Variants in RNLS observed in about 807,000 individuals in gnomAD.
The protein encoded by RNLS is renalase, FAD dependent amine oxidase.
A neutral mutation model predicts 39.8 loss-of-function variants in RNLS; 39 were observed. The observed-to-expected ratio is 0.98, with a 90% CI of 0.76 to 1.28. RNLS has a LOEUF of 1.28. Among genes scored for constraint, RNLS ranks in the 50% most tolerant of loss-of-function variants. The pLI, the probability that RNLS is intolerant of heterozygous loss-of-function variation, is 0.00. For missense variants in RNLS, 410 were observed against 413.3 expected (o/e 0.99, Z 0.07); for synonymous variants, 147 against 150.7 (o/e 0.98, Z 0.18).
At chr10:88,275,477 T>C (rs1842781670) in intron 6 of RNLS, among the ~76,000 whole-genome samples, 1 of 152,206 alleles carries the variant, frequency 6.6e-6, no homozygotes. Flanking sequence ...TGCAACAATG[T>C]TGCAACAGTA....
chr10:88,333,042 G>A (rs1323805375), intron 5 of RNLS, among the ~76,000 whole-genome samples: 1 of 152,136 alleles, frequency 6.6e-6, no homozygotes, highest in Non-Finnish European at 1.5e-5. Flanking sequence ...CTCCCTGCCT[G>A]TATGACTTTA....
chr10:88,542,843 C>G (rs984624309), intron 4 of RNLS, among the ~76,000 whole-genome samples: 2 of 152,112 alleles, frequency 1.3e-5, no homozygotes, highest in African/African-American at 4.8e-5. Flanking sequence ...AGATAAGCAG[C>G]ATCTCCAACT....
At chr10:88,245,437 T>G in the RNLS span, among the ~76,000 whole-genome samples, 2 of 152,194 alleles carry the variant, frequency 1.3e-5, no homozygotes, top group Non-Finnish European at 2.9e-5. Flanking sequence ...CGGACCTTCC[T>G]AATTCAACCT....
At chr10:88,575,124 GTATATATATATATA>G (rs1174268534) in intron 3 of RNLS, among the ~76,000 whole-genome samples, 19 of 98,912 alleles carry the variant, frequency 1.9e-4, no homozygotes, top group African/African-American at 5.6e-4. Context: ...GTTCTGCAAA[GTATATATATATATA>G]TATATATATA....
At chr10:88,415,479 T>C (rs1277763415) in intron 4 of RNLS, among the ~76,000 whole-genome samples, 1 of 152,208 alleles carries the variant, frequency 6.6e-6, no homozygotes, top group East Asian at 1.9e-4. Flanking sequence ...AAATGACTTT[T>C]TTCCCCCCTC....
the RNLS span, among the ~76,000 whole-genome samples, chr10:88,187,183 AT>A: frequency 1.2e-3 from 10 of 8,440 alleles, no homozygotes; most frequent in African/African-American, 5.9e-3. Context: ...TATATAATAT[AT>A]ATAATATATA....
intron 5 of RNLS, among the ~76,000 whole-genome samples, chr10:88,319,134 G>A (rs1284823903): frequency 2.0e-5 from 3 of 152,052 alleles, no homozygotes; most frequent in Admixed American, 1.3e-4. Flanking sequence ...AGCAGCATCC[G>A]AGAAAGCCAC....
downstream of RNLS, among the ~76,000 whole-genome samples, chr10:88,282,147 G>A (rs185391772): frequency 1.4e-3 from 220 of 152,246 alleles, no homozygotes; most frequent in African/African-American, 5.1e-3. Context: ...AGTACTTACA[G>A]AGACTTTATC....
At position 88,285,316 on chromosome 10, in the gene RNLS, A is replaced by G; in HGVS notation, c.*38T>C. ...TCAATAACAGAAAATTGTGAAAATA[A>G]AAACCCAATACACATGTAGAGAATA... On this transcript the variant is annotated 3_prime_UTR_variant, in exon 7 of 7. Transcript: ENST00000331772. 2 of 1,454,974 alleles carry G rather than the reference A, an allele frequency of 1.4e-6. No homozygotes were observed. The highest frequency in any genetic ancestry group is 1.8e-6 in the Non-Finnish European group (2 of 1,093,578). The allele number at this position is 1,454,974 out of a possible 1,614,324, so 90.1% of individuals were successfully genotyped here.
intron 4 of RNLS, among the ~76,000 whole-genome samples, chr10:88,383,445 A>C (rs1231689861): frequency 5.3e-5 from 8 of 152,162 alleles, no homozygotes; most frequent in Middle Eastern, 3.2e-3. Flanking sequence ...ATGTTGTTTG[A>C]ATCACATGTA....
intron 4 of RNLS, among the ~76,000 whole-genome samples, chr10:88,439,961 C>G (rs1841620039): frequency 6.6e-6 from 1 of 152,186 alleles, no homozygotes; most frequent in Admixed American, 6.5e-5. Context: ...TCTCAAGGCT[C>G]TCTATGGCAC....
chr10:88,366,663 G>GAAAAA (rs774157650), intron 4 of RNLS, among the ~76,000 whole-genome samples: 5 of 25,836 alleles, frequency 1.9e-4, no homozygotes, highest in East Asian at 1.5e-3. Flanking sequence ...TAAGTTTTCT[G>GAAAAA]AAAAAAAAAA....
chr10:88,366,403 T>C (rs1053947752), intron 4 of RNLS, among the ~76,000 whole-genome samples: 1 of 151,452 alleles, frequency 6.6e-6, no homozygotes, highest in African/African-American at 2.4e-5. Context: ...GAGAGAACAG[T>C]AGAGGAAGCC....
the RNLS span, among the ~76,000 whole-genome samples, chr10:88,253,258 G>T: frequency 6.6e-6 from 1 of 152,164 alleles, no homozygotes. Flanking sequence ...CTCTCACAAT[G>T]CTCACAAAGT....
chr10:88,340,596 C>CA (rs1847858117), intron 5 of RNLS, among the ~76,000 whole-genome samples: 1 of 152,074 alleles, frequency 6.6e-6, no homozygotes, highest in South Asian at 2.1e-4. Context: ...GATACTACCT[C>CA]TTCAATCCAA....
At chr10:88,223,139 C>T in the RNLS span, among the ~76,000 whole-genome samples, 3 of 152,362 alleles carry the variant, frequency 2.0e-5, no homozygotes, top group African/African-American at 7.2e-5. Flanking sequence ...TGGGCTGAGA[C>T]TTTCAGTCTC....
At chr10:88,339,435 A>AT (rs1847767576) in intron 5 of RNLS, among the ~76,000 whole-genome samples, 1 of 152,102 alleles carries the variant, frequency 6.6e-6, no homozygotes, top group Admixed American at 6.6e-5. Context: ...CAGGGCAGAG[A>AT]TTTTTTTACT....
chr10:88,386,253 C>T (rs192025217), intron 4 of RNLS, among the ~76,000 whole-genome samples: 5 of 152,280 alleles, frequency 3.3e-5, no homozygotes, highest in East Asian at 1.9e-4. Context: ...TACTGGACTG[C>T]TAAGAATCCT....
At chr10:88,550,811 A>C (rs908971822) in intron 4 of RNLS, among the ~76,000 whole-genome samples, 3 of 152,194 alleles carry the variant, frequency 2.0e-5, no homozygotes, top group African/African-American at 7.2e-5. Flanking sequence ...TCTTCAGAGA[A>C]TCATTTTAGA....
Sources: allele counts gnomAD v4.1 joint callset (sites outside exome capture counted in the v4.1 genomes callset), GRCh38; gene constraint gnomAD v4.1.1; transcripts MANE v1.5; gene names NCBI Gene and HGNC (gene_info 2026-07-23, HGNC 2026-07-21).